Variants in ADNP observed in about 807,000 individuals in gnomAD.
ADNP encodes activity-dependent neuroprotector homeobox protein.
In ADNP, 4 loss-of-function variants were observed where a neutral mutation model predicts 84.9. The ratio of observed to expected loss-of-function variants is 0.05; its 90% CI spans 0.02 to 0.11. ADNP has a LOEUF of 0.11. Ranked by LOEUF, ADNP falls within the 10% of genes least tolerant of loss-of-function variation. The pLI is 1.00. For missense variants in ADNP, 1,132 were observed against 1,326.0 expected, an observed-to-expected ratio of 0.85 and a Z score of 2.27; for synonymous variants, 554 against 468.1, an observed-to-expected ratio of 1.18 and a Z score of -2.37.
Position 50,891,946 on chromosome 20 carries a change from G to A in ADNP, c.2768C>T (p.Ser923Phe), listed in dbSNP as rs371901809. Reference protein sequence around the residue: ...LKVIPEDASESEEKLDQKEDG... With the variant: ...LKVIPEDASEFEEKLDQKEDG... Reference sequence around the variant, plus strand: ...CTCTTTTTGGTCTAGCTTCTCCTCAGATTCTGAAGCATCCTCAGGAATTAC... The same window carrying A: ...CTCTTTTTGGTCTAGCTTCTCCTCAAATTCTGAAGCATCCTCAGGAATTAC... The change falls in exon 6 of 6, where the codon TCT (serine) becomes TTT (phenylalanine). Residue 923 changes from serine (S) to phenylalanine (F), a missense_variant. Around this residue, in one of 10 missense-constraint regions of ADNP, gnomAD observed 381 missense variants for 319.9 expected, o/e 1.19. Coordinates refer to ENST00000621696, the MANE Select transcript of ADNP (RefSeq NM_001282531.3). 7 of 1,614,058 alleles carry A rather than the reference G, an allele frequency of 4.3e-6. No individual in the cohort carries two copies. The African/African-American group carries it at 9.3e-5, about 22-fold the overall frequency.
intron 2 of ADNP, among the ~76,000 whole-genome samples, chr20:50,922,961 G>C (rs1009594874): frequency 2.0e-5 from 3 of 152,212 alleles, no homozygotes; most frequent in African/African-American, 7.2e-5. Flanking sequence ...CCTCTCTCTA[G>C]AGAGGATCTC....
chr20:50,917,812 T>G (rs186442843), intron 2 of ADNP, among the ~76,000 whole-genome samples: 1 of 152,272 alleles, frequency 6.6e-6, no homozygotes, highest in Admixed American at 6.5e-5. Flanking sequence ...TAGGAACAAC[T>G]GAAATCAACT....
intron 4 of ADNP, 59 bp from the exon 5 acceptor site, chr20:50,902,168 T>C: frequency 5.5e-6 from 7 of 1,275,282 alleles, no homozygotes; most frequent in Non-Finnish European, 8.0e-6. Context: ...AACCCAATCT[T>C]ACATGTAAAT....
chr20:50,901,215 G>C (rs369531979), intron 5 of ADNP, among the ~76,000 whole-genome samples: 1 of 149,504 alleles, frequency 6.7e-6, no homozygotes, highest in Non-Finnish European at 1.5e-5. Context: ...TTAGTATTCA[G>C]CTATGAGGCT....
At chr20:50,919,838 A>T (rs1475075340) in intron 2 of ADNP, among the ~76,000 whole-genome samples, 1 of 152,204 alleles carries the variant, frequency 6.6e-6, no homozygotes, top group African/African-American at 2.4e-5. Flanking sequence ...CTGAGTAACA[A>T]GGAACGACAT....
intron 2 of ADNP, among the ~76,000 whole-genome samples, chr20:50,911,507 TTTC>T (rs1392866752): frequency 4.7e-5 from 7 of 149,550 alleles, no homozygotes; most frequent in Admixed American, 4.0e-4. Context: ...TTTCTTTTCT[TTTC>T]TTTTTTTTTT....
At chr20:50,905,392 C>CA (rs1982369691) in intron 2 of ADNP, 1 of 152,126 alleles carries the variant, frequency 6.6e-6, no homozygotes, top group African/African-American at 2.4e-5. Context: ...TTAACAAAGG[C>CA]TGTTACTCTG....
At position 50,891,513 on chromosome 20, in the gene ADNP, G is replaced by A; in HGVS notation, c.3201C>T (p.Ser1067=). Reference sequence around the variant, plus strand: ...GTTCCCCATCCTCACTGTCAATTGTGCTATTCTGCCACTCAATCTGGGGGT... The same window carrying A: ...GTTCCCCATCCTCACTGTCAATTGTACTATTCTGCCACTCAATCTGGGGGT... ...LSNPQIEWQN[S]TIDSEDGEQF... Residue 1067 remains serine, a synonymous_variant, in exon 6 of 6, where the codon AGC becomes AGT. Coordinates refer to ENST00000621696, the MANE Select transcript of ADNP (RefSeq NM_001282531.3). 1.2e-6 allele frequency: 2 copies of A among 1,612,136 alleles called. No homozygotes were observed. Among genetic ancestry groups the A allele is most frequent in the Non-Finnish European group, 1.7e-6 (2 of 1,180,016 alleles).
At chr20:50,907,593 G>GT (rs1221645074) in intron 2 of ADNP, among the ~76,000 whole-genome samples, 2 of 138,858 alleles carry the variant, frequency 1.4e-5, no homozygotes, top group African/African-American at 5.4e-5. Flanking sequence ...GTTAACTCAC[G>GT]TTAACGCCTG....
At position 50,890,306 on chromosome 20, in the gene ADNP, TG is replaced by T. The variant is rs1980553669; in HGVS notation, c.*1098del. The T allele has an allele frequency of 1.2e-5, 2 of 161,022 alleles. No homozygotes were observed. The highest frequency in any genetic ancestry group is 4.1e-4 in the South Asian group (2 of 4,912). The allele number at this position is 161,022 out of a possible 1,614,324, so 10.0% of individuals were successfully genotyped here. ...TGGCATTAAATGGCAAAAGATATAA[TG>T]GACACACAGGACTGTCATGTGTAAT... On this transcript the variant is annotated 3_prime_UTR_variant, in exon 6 of 6. Transcript: ENST00000621696.
At chr20:50,905,251 T>G (rs545443319) in intron 2 of ADNP, 1 of 152,134 alleles carries the variant, frequency 6.6e-6, no homozygotes, top group African/African-American at 2.4e-5. Flanking sequence ...ATGGTAAAAA[T>G]TTATCAATTT....
At chr20:50,900,425 T>C (rs1047880298) in intron 5 of ADNP, among the ~76,000 whole-genome samples, 1 of 152,188 alleles carries the variant, frequency 6.6e-6, no homozygotes, top group Non-Finnish European at 1.5e-5. Context: ...TCAGAATGCA[T>C]CCCATCATTA....
intron 2 of ADNP, among the ~76,000 whole-genome samples, chr20:50,925,225 T>C (rs1417441061): frequency 1.3e-5 from 2 of 151,726 alleles, no homozygotes; most frequent in African/African-American, 4.9e-5. Context: ...AAACTGTCAC[T>C]TTCCACAGTT....
At chr20:50,913,938 G>A (rs1983294285) in intron 2 of ADNP, 1 of 683,480 alleles carries the variant, frequency 1.5e-6, no homozygotes, top group African/African-American at 1.8e-5. Context: ...TAAAGACTAT[G>A]CGAGATTGGT....
At chr20:50,910,245 A>T (rs1468514064) in intron 2 of ADNP, among the ~76,000 whole-genome samples, 1 of 152,278 alleles carries the variant, frequency 6.6e-6, no homozygotes, top group African/African-American at 2.4e-5. Flanking sequence ...CTATATGAGA[A>T]GAGTTAAACA....
At chr20:50,915,856 C>T (rs1342489456) in intron 2 of ADNP, among the ~76,000 whole-genome samples, 1 of 152,164 alleles carries the variant, frequency 6.6e-6, no homozygotes, top group East Asian at 1.9e-4. Flanking sequence ...TGATGACACA[C>T]GTATGTACTG....
intron 2 of ADNP, among the ~76,000 whole-genome samples, chr20:50,923,738 G>C (rs1984109410): frequency 6.6e-6 from 1 of 152,096 alleles, no homozygotes; most frequent in African/African-American, 2.4e-5. Context: ...GGCTGGTCTT[G>C]AACTCCTGAC....
At chr20:50,905,693 T>C (rs991514876) in intron 2 of ADNP, 2 of 152,224 alleles carry the variant, frequency 1.3e-5, no homozygotes, top group African/African-American at 2.4e-5. Context: ...ATACTCAAGA[T>C]AGAATTGCTG....
Position 50,894,052 on chromosome 20 carries a change from A to C in ADNP, c.662T>G (p.Ile221Ser), listed in dbSNP as rs747105829. The change falls in exon 6 of 6, where the codon ATT becomes AGT. Residue 221 changes from isoleucine (I) to serine (S), a missense_variant. Physicochemically the swap from Ile to Ser is moderately radical, Grantham distance 142. Transcript: ENST00000621696. ...LGSNAREESS[I>S]HCKRCLFMPK... ...CATGAAAAGGCATCGCTTGCAGTGAATACTACTCTCTTCTCGGGCATTCGA... is the reference window on the plus strand; with the variant it reads ...CATGAAAAGGCATCGCTTGCAGTGACTACTACTCTCTTCTCGGGCATTCGA... The C allele has an allele frequency of 1.5e-5, 24 of 1,614,080 alleles. No homozygotes were observed. The highest frequency in any genetic ancestry group is 1.1e-4 in the East Asian group (5 of 44,894).
Sources: gnomAD v4.1 joint callset for allele counts (sites outside exome capture counted in the v4.1 genomes callset) on GRCh38, gnomAD v4.1.1 for gene constraint, gnomAD v4.1.1 regional missense constraint, MANE v1.5 for transcripts, NCBI Gene and HGNC (gene_info 2026-07-23, HGNC 2026-07-21) for gene names.